CIC: variants seen among roughly 807,000 people sequenced by gnomAD.
CIC encodes the protein protein capicua homolog.
Under a neutral mutation model 115.7 loss-of-function variants are expected in CIC, and 18 were observed. The observed-to-expected ratio is 0.16, with a 90% CI of 0.11 to 0.23. CIC has a LOEUF of 0.23. Among genes scored for constraint, CIC ranks in the 10% least tolerant of loss-of-function variants. The pLI is 1.00. For missense variants in CIC, 2,000 were observed against 2,159.3 expected, an observed-to-expected ratio of 0.93 and a Z score of 1.46; for synonymous variants, 1,076 against 923.0, an observed-to-expected ratio of 1.17 and a Z score of -3.01.
intron 2 of CIC, among the ~76,000 whole-genome samples, chr19:42,278,633 C>T (rs1454882238): frequency 1.3e-5 from 2 of 152,154 alleles, no homozygotes; most frequent in African/African-American, 4.8e-5. Flanking sequence ...CCCTCCTACT[C>T]CCACTCTTTA....
chr19:42,290,084 G>A, intron 10 of CIC, 133 bp downstream of exon 10: 5 of 1,410,368 alleles, frequency 3.5e-6, no homozygotes, highest in Non-Finnish European at 5.0e-6. Flanking sequence ...TGGGGAGTTG[G>A]GTCATAGTCA....
Position 42,285,680 on chromosome 19 carries a change from TTCA to T in CIC, c.2795-1088_2795-1086del, listed in dbSNP as rs1398563402. 3.3e-5 allele frequency among the ~76,000 whole-genome samples: 5 copies of T among 152,192 alleles called. No individual in the cohort carries two copies. In the East Asian group the frequency reaches 9.6e-4, roughly 29 times the overall value. On this transcript the variant is annotated intron_variant, in intron 2 of 20. Transcript: ENST00000681038. The stretch of plus-strand genomic sequence containing the variant: ...GCTAGGGCGGTTCCCTCCTCCCTTC[TTCA>T]TCTTCCCCGAGCAGGGGCCTCTCTC...
intron 2 of CIC, among the ~76,000 whole-genome samples, chr19:42,285,335 G>A (rs2037556695): frequency 6.6e-6 from 1 of 152,134 alleles, no homozygotes; most frequent in African/African-American, 2.4e-5. Context: ...AGGAGGCCTT[G>A]ATGGGAAAGA....
rs1305868409 is a variant in CIC, at chr19:42,295,108, G to C, written c.7471G>C (p.Gly2491Arg). ...APPLPPPPES[G>R]PGQPGWEGAP... is the part of the protein sequence containing the mutation. The stretch of plus-strand genomic sequence containing the variant: ...GCCACTGCCTCCACCCCCAGAGTCG[G>C]GGCCTGGACAGCCTGGCTGGGAGGG... Residue 2491 changes from glycine (G) to arginine (R), a missense_variant, in exon 21 of 21, where the codon GGG becomes CGG. Physicochemically the swap from Gly to Arg is moderately radical, Grantham distance 125. Transcript: ENST00000681038. The C allele has an allele frequency of 1.3e-6, 2 of 1,523,330 alleles. No homozygotes were observed. The highest frequency in any genetic ancestry group is 1.8e-6 in the Non-Finnish European group (2 of 1,141,302). 94.4% of individuals were successfully genotyped at this position (1,523,330 alleles called of 1,614,324 possible).
Position 42,293,621 on chromosome 19 carries a change from C to G in CIC, c.6552C>G (p.Asp2184Glu), listed in dbSNP as rs781297911. Reference protein sequence around the residue: ...MASKFPSSSSDWRVPGQGLEN... With the variant: ...MASKFPSSSSEWRVPGQGLEN... ...GCAAATTCCCCAGCTCATCTTCAGACTGGCGCGTCCCTGGGCAGGGCCTGG... is the reference window on the plus strand; with the variant it reads ...GCAAATTCCCCAGCTCATCTTCAGAGTGGCGCGTCCCTGGGCAGGGCCTGG... Residue 2184 changes from aspartate (D) to glutamate (E), a missense_variant, in exon 17 of 21, where the codon GAC becomes GAG. Asp to Glu is a conservative substitution (Grantham distance 45, BLOSUM62 2). Transcript: ENST00000681038. 6 of 1,613,586 alleles carry G rather than the reference C, an allele frequency of 3.7e-6. No homozygotes were observed. In the African/African-American group the frequency reaches 6.7e-5, roughly 18 times the overall value.
rs1220101845 is a variant in CIC at position 42,287,469 on chromosome 19, C to A, written c.3309+20C>A. The A allele has an allele frequency of 1.9e-6, 3 of 1,612,480 alleles. No individual in the cohort carries two copies. The highest frequency in any genetic ancestry group is 2.5e-6 in the Non-Finnish European group (3 of 1,180,034). Reference sequence around the variant, plus strand: ...AACAAGGTACTTTATCCCTGCCTGTCCTGTGCTCACCCCGTGGCCACCCAC... The same window carrying A: ...AACAAGGTACTTTATCCCTGCCTGTACTGTGCTCACCCCGTGGCCACCCAC... On this transcript the variant is annotated intron_variant, in intron 5 of 20. Transcript: ENST00000681038. The surrounding 1 kb of genome is among the most constrained non-coding windows in gnomAD (Gnocchi z 8.7).
chr19:42,294,486 C>A, intron 19 of CIC, 118 bp from the exon 20 acceptor site: 4 of 1,559,662 alleles, frequency 2.6e-6, no homozygotes, highest in Admixed American at 1.7e-5. Context: ...GTGGGCAGGA[C>A]CCCTCTCTGA....
chr19:42,295,335 T>C lies in CIC; in HGVS notation c.*144T>C. On this transcript the variant is annotated 3_prime_UTR_variant, in exon 21 of 21. Transcript: ENST00000681038. ...GAATGAGGCCTGCTCCTCTTGTAAA[T>C]ACCCCCTTCCCTCGAAGCTCCCTCC... 1 of 708,324 alleles carries C rather than the reference T, an allele frequency of 1.4e-6. No homozygotes were observed. Among genetic ancestry groups the C allele is most frequent in the Non-Finnish European group, 2.3e-6 (1 of 434,712 alleles). 43.9% of individuals were successfully genotyped at this position (708,324 alleles called of 1,614,324 possible). A position where few individuals can be genotyped will look rare whatever the true frequency, so the allele number is the denominator to read the frequency against.
intron 12 of CIC, 145 bp from the exon 13 acceptor site, chr19:42,291,941 T>C: frequency 7.5e-7 from 1 of 1,335,998 alleles, no homozygotes; most frequent in Non-Finnish European, 1.1e-6. Context: ...TGTCCCCACC[T>C]CTCACTGTCA....
rs781618956 is a variant in CIC at position 42,294,651 on chromosome 19, C to T, written c.7102C>T (p.Pro2368Ser). 10 of 1,613,714 alleles carry T rather than the reference C, an allele frequency of 6.2e-6. No individual in the cohort carries two copies. The South Asian group carries it at 1.1e-4, about 18-fold the overall frequency. The change falls in exon 20 of 21, where the codon CCA (proline) becomes TCA (serine). Residue 2368 changes from proline to serine, a missense_variant. Pro to Ser is a moderately conservative substitution (Grantham distance 74). Transcript: ENST00000681038. Reference sequence around the variant, plus strand: ...TGGGGAGCTAGAGTATGACAAGGTGCCATACTCCTCCCTGCGGCGCACCCT... The same window carrying T: ...TGGGGAGCTAGAGTATGACAAGGTGTCATACTCCTCCCTGCGGCGCACCCT... ...VLGELEYDKV[P>S]YSSLRRTLDQ...
At chr19:42,293,414 C>A in intron 16 of CIC, 133 bp downstream of exon 16, 2 of 1,340,414 alleles carry the variant, frequency 1.5e-6, no homozygotes, top group African/African-American at 1.4e-5. Flanking sequence ...TCTGTCCCTT[C>A]TGCCTGCCTG....
intron 2 of CIC, among the ~76,000 whole-genome samples, chr19:42,275,407 G>A (rs945992241): frequency 6.6e-6 from 1 of 152,240 alleles, no homozygotes; most frequent in African/African-American, 2.4e-5. Flanking sequence ...AAGGATGAGT[G>A]GGAACCTGCA....
chr19:42,290,596 G>C lies in CIC; in HGVS notation c.4555G>C (p.Glu1519Gln). The C allele has an allele frequency of 6.2e-7, 1 of 1,613,760 alleles. No individual in the cohort carries two copies. Among genetic ancestry groups the C allele is most frequent in the Non-Finnish European group, 8.5e-7 (1 of 1,179,946 alleles). The change falls in exon 11 of 21, where the codon GAG becomes CAG. Residue 1519 changes from glutamate (E) to glutamine (Q), a missense_variant. This residue lies in a region of CIC where 1,466 missense variants were observed against 1,390.4 expected (regional missense o/e 1.05). Coordinates refer to ENST00000681038, the MANE Select transcript of CIC (RefSeq NM_001386298.1). Reference sequence around the variant, plus strand: ...GAGACCCGAAAGTGTGGGTGGCCTGGAGCCACCAGGCCCCTCAGTCATCGC... The same window carrying C: ...GAGACCCGAAAGTGTGGGTGGCCTGCAGCCACCAGGCCCCTCAGTCATCGC... Reference protein sequence around the residue: ...RKRPESVGGLEPPGPSVIAAP... With the variant: ...RKRPESVGGLQPPGPSVIAAP...
chr19:42,292,517 C>T (rs2147303768), intron 14 of CIC, 49 bp from the exon 15 acceptor site: 1 of 1,611,516 alleles, frequency 6.2e-7, no homozygotes, highest in South Asian at 1.1e-5. Flanking sequence ...GGGGCTGAGG[C>T]AGTCCGGGCC....
chr19:42,290,562 C>T lies in CIC; in HGVS notation c.4521C>T (p.Phe1507=). 8 of 1,613,702 alleles carry T rather than the reference C, an allele frequency of 5.0e-6. No individual in the cohort carries two copies. Among genetic ancestry groups the T allele is most frequent in the Non-Finnish European group, 6.8e-6 (8 of 1,179,936 alleles). The part of the protein sequence containing the change: ...TRFLPMDPAT[F]RRKRPESVGG... ...TCCTCCCAATGGATCCTGCCACCTT[C>T]CGGCGCAAGAGACCCGAAAGTGTGG... The change falls in exon 11 of 21, where the codon TTC becomes TTT. Residue 1507 remains phenylalanine, a synonymous_variant. Transcript: ENST00000681038.
upstream of CIC, chr19:42,268,593 G>C (rs2036651315): frequency 6.6e-6 from 1 of 152,220 alleles, no homozygotes; most frequent in South Asian, 2.1e-4. Flanking sequence ...CCAGGAATAC[G>C]GGTGAGTCGG....
chr19:42,286,970 G>A (rs1217381295), intron 3 of CIC, 36 bp from the exon 4 acceptor site: 1 of 1,607,860 alleles, frequency 6.2e-7, no homozygotes. Flanking sequence ...GGTCCAGGTG[G>A]CCTAGGAGCC....
At position 42,294,628 on chromosome 19, in the gene CIC, G is replaced by A; in HGVS notation, c.7079G>A (p.Gly2360Glu). ...GGTACAGAAGCCGAGGACGTGCTTG[G>A]GGAGCTAGAGTATGACAAGGTGCCA... ...RTGTEAEDVL[G>E]ELEYDKVPYS... is the part of the protein sequence containing the mutation. Residue 2360 changes from glycine (G) to glutamate (E), a missense_variant, in exon 20 of 21, where the codon GGG (glycine) becomes GAG (glutamate). Around this residue, in one of 8 missense-constraint regions of CIC, gnomAD observed 99 missense variants for 217.6 expected, o/e 0.45. Coordinates refer to ENST00000681038, the MANE Select transcript of CIC (RefSeq NM_001386298.1). 6.2e-7 allele frequency: 1 copy of A among 1,613,648 alleles called. No homozygotes were observed. The highest frequency in any genetic ancestry group is 1.1e-5 in the South Asian group (1 of 91,080).
intron 12 of CIC, 104 bp from the exon 13 acceptor site, chr19:42,291,982 T>C: frequency 6.5e-7 from 1 of 1,544,110 alleles, no homozygotes; most frequent in Non-Finnish European, 8.9e-7. Flanking sequence ...CCCCAAGTTC[T>C]GTGTTCCTTG....
Sources: allele counts gnomAD v4.1 joint callset (sites outside exome capture counted in the v4.1 genomes callset), GRCh38; gene constraint gnomAD v4.1.1; regional missense constraint gnomAD v4.1.1; non-coding constraint Gnocchi (gnomAD v3.1); transcripts MANE v1.5; gene names NCBI Gene and HGNC (gene_info 2026-07-23, HGNC 2026-07-21).